OR51B5: variants seen among roughly 807,000 people sequenced by gnomAD.
OR51B5 encodes the protein olfactory receptor 51B5.
For synonymous variants in OR51B5, 186 were observed against 144.8 expected (o/e 1.28, Z -2.04); for missense variants, 456 against 374.6 (o/e 1.22, Z -1.79).
chr11:5,454,260 G>C (rs1469524601), intron 1 of OR51B5: 20 of 1,614,188 alleles, frequency 1.2e-5, no homozygotes, highest in Non-Finnish European at 1.7e-5. Flanking sequence ...AATGATTGGG[G>C]TCTCCACAGT....
intron 1 of OR51B5, among the ~76,000 whole-genome samples, chr11:5,501,109 G>A (rs1160009570): frequency 6.8e-6 from 1 of 147,988 alleles, no homozygotes; most frequent in Non-Finnish European, 1.5e-5. Context: ...CTAGAACATA[G>A]GTGTATGGAG....
chr11:5,359,699 CA>C (rs1037482932), intron 1 of OR51B5, among the ~76,000 whole-genome samples: 3 of 150,324 alleles, frequency 2.0e-5, no homozygotes, highest in African/African-American at 7.4e-5. Flanking sequence ...AATCCTAAGC[CA>C]AAAGAACAAA....
chr11:5,348,242 C>T (rs1465456171), upstream of OR51B5, among the ~76,000 whole-genome samples: 1 of 151,950 alleles, frequency 6.6e-6, no homozygotes, highest in Non-Finnish European at 1.5e-5. Context: ...ATAAGGCAAA[C>T]AATTCTACGA....
chr11:5,453,638 A>G (rs1312156073), intron 1 of OR51B5: 2 of 1,613,494 alleles, frequency 1.2e-6, no homozygotes, highest in African/African-American at 2.7e-5. Context: ...AGGCTGTGCG[A>G]GTGGAGCCCA....
At chr11:5,352,149 C>T (rs1249000392) in intron 1 of OR51B5, 7 of 1,614,158 alleles carry the variant, frequency 4.3e-6, no homozygotes, top group Non-Finnish European at 5.9e-6. Context: ...TCATCTTTTT[C>T]TCCTACATTT....
chr11:5,423,905 TC>T (rs377109295), intron 1 of OR51B5, among the ~76,000 whole-genome samples: 1 of 152,120 alleles, frequency 6.6e-6, no homozygotes, highest in Non-Finnish European at 1.5e-5. Context: ...TCATTTTTTT[TC>T]CGGACCAGAG....
intron 1 of OR51B5, among the ~76,000 whole-genome samples, chr11:5,425,183 C>T (rs1342135938): frequency 1.3e-5 from 2 of 151,864 alleles, no homozygotes; most frequent in African/African-American, 2.4e-5. Context: ...TCCAGAAAAT[C>T]CAAATGCTGA....
At chr11:5,454,483 A>G in intron 1 of OR51B5, 1 of 1,308,850 alleles carries the variant, frequency 7.6e-7, no homozygotes, top group Non-Finnish European at 1.1e-6. Context: ...CATCAGTAGC[A>G]TCGTCATCAT....
intron 1 of OR51B5, chr11:5,449,434 C>T (rs994604525): frequency 1.3e-5 from 2 of 152,278 alleles, no homozygotes; most frequent in African/African-American, 4.8e-5. Context: ...AAGCATTAGA[C>T]TGGGCAAGGG....
At chr11:5,342,651 C>G (rs148387535) in exon 1 of OR51B5, 1 of 1,612,756 alleles carries the variant, frequency 6.2e-7, no homozygotes, top group Non-Finnish European at 8.5e-7. Context: ...TTGGTCTTGA[C>G]ACTATATGTT....
intron 1 of OR51B5, among the ~76,000 whole-genome samples, chr11:5,470,974 C>A (rs754769939): frequency 6.6e-6 from 1 of 152,198 alleles, no homozygotes; most frequent in Non-Finnish European, 1.5e-5. Context: ...GCTTCACTTA[C>A]CTTATGAAAT....
intron 1 of OR51B5, chr11:5,440,886 C>A: frequency 6.2e-7 from 1 of 1,613,650 alleles, no homozygotes; most frequent in Non-Finnish European, 8.5e-7. Context: ...TGAGTCCATA[C>A]CATAGGTAAA....
At chr11:5,368,550 C>G (rs934859476) in intron 1 of OR51B5, among the ~76,000 whole-genome samples, 1 of 152,102 alleles carries the variant, frequency 6.6e-6, no homozygotes, top group Admixed American at 6.5e-5. Flanking sequence ...CTAGCTCTGA[C>G]AAAGAAAATA....
chr11:5,441,109 T>C, intron 1 of OR51B5: 3 of 1,613,968 alleles, frequency 1.9e-6, no homozygotes, highest in Non-Finnish European at 2.5e-6. Context: ...GTGAGCACAG[T>C]GACATAGCGT....
chr11:5,425,404 A>G (rs577672937), intron 1 of OR51B5, among the ~76,000 whole-genome samples: 8 of 152,326 alleles, frequency 5.3e-5, no homozygotes, highest in Admixed American at 2.6e-4. Context: ...TAACAAGTCA[A>G]AACTTAACTA....
chr11:5,452,504 C>CAAAAAAAA lies in OR51B5; in HGVS notation n.84+53057_84+53064dup, dbSNP rs56677841. Among the ~76,000 whole-genome samples, 62 of 69,204 alleles carry CAAAAAAAA rather than the reference C, an allele frequency of 9.0e-4. 2 individuals carry two copies. Among genetic ancestry groups the CAAAAAAAA allele is most frequent in the Non-Finnish European group, 1.3e-3 (51 of 38,392 alleles). 45.4% of individuals were successfully genotyped at this position (69,204 alleles called of 152,430 possible). On this transcript the variant is annotated intron_variant and non_coding_transcript_variant, in intron 1 of 4. Transcript: ENST00000415970. Reference sequence around the variant, plus strand: ...TGGGCAAAAGAGAGAGACTCTGTCTCAAAAAAAAAAAAAAAAAAAAAAAAA... The same window carrying CAAAAAAAA: ...TGGGCAAAAGAGAGAGACTCTGTCTCAAAAAAAAAAAAAAAAAAAAAAAAAAAAAAAAA...
At chr11:5,373,201 C>A (rs75303389) in intron 1 of OR51B5, among the ~76,000 whole-genome samples, 1 of 152,132 alleles carries the variant, frequency 6.6e-6, no homozygotes, top group Non-Finnish European at 1.5e-5. Flanking sequence ...CCTGAAATCA[C>A]AAAACTCCTG....
chr11:5,412,509 C>T (rs1006578650), intron 1 of OR51B5, among the ~76,000 whole-genome samples: 2 of 152,186 alleles, frequency 1.3e-5, no homozygotes, highest in African/African-American at 4.8e-5. Flanking sequence ...TCGGGAAGCG[C>T]AAGGGGTCAG....
At chr11:5,397,483 A>C (rs1217653452) in intron 1 of OR51B5, among the ~76,000 whole-genome samples, 1 of 151,714 alleles carries the variant, frequency 6.6e-6, no homozygotes, top group Non-Finnish European at 1.5e-5. Context: ...GAGAAATGCA[A>C]ATCAAAACCA....
Sources: gnomAD v4.1 joint callset for allele counts (sites outside exome capture counted in the v4.1 genomes callset) on GRCh38, gnomAD v4.1.1 for gene constraint, MANE v1.5 for transcripts, NCBI Gene and HGNC (gene_info 2026-07-23, HGNC 2026-07-21) for gene names.